COL21A1: variants seen among roughly 807,000 people sequenced by gnomAD.
The protein encoded by COL21A1 is collagen type XXI alpha 1 chain.
A neutral mutation model predicts 137.9 loss-of-function variants in COL21A1; 149 were observed. The observed-to-expected ratio is 1.08, with a 90% confidence interval of 0.95 to 1.24. The LOEUF (loss-of-function observed/expected upper bound fraction) is 1.24, where lower values mean the gene tolerates loss of function less well. COL21A1 is among the 50% of genes most tolerant of loss of function. The probability of loss-of-function intolerance (pLI) is 0.00; values close to 1 mark genes in which losing one functional copy is unlikely to be tolerated. For missense variants in COL21A1, 1,167 were observed against 1,158.4 expected, an observed-to-expected ratio of 1.01 and a Z score of -0.11; for synonymous variants, 456 against 391.5, an observed-to-expected ratio of 1.16 and a Z score of -1.95.
At chr6:56,107,044 C>T (rs1483659460) in intron 16 of COL21A1, among the ~76,000 whole-genome samples, 1 of 152,130 alleles carries the variant, frequency 6.6e-6, no homozygotes, top group African/African-American at 2.4e-5. Flanking sequence ...ACCTCGGCCT[C>T]CGAAAGTGCT....
intron 10 of COL21A1, among the ~76,000 whole-genome samples, chr6:56,147,673 C>T (rs1477999848): frequency 6.6e-6 from 1 of 152,034 alleles, no homozygotes; most frequent in African/African-American, 2.4e-5. Flanking sequence ...TACATGTCTA[C>T]ACACATTATT....
chr6:56,068,765 A>C (rs886714823), intron 22 of COL21A1: 1 of 219,524 alleles, frequency 4.6e-6, no homozygotes. Flanking sequence ...TTGTGAAAAA[A>C]ACCTGAATTT....
At chr6:56,220,434 A>T (rs1181782106) in intron 1 of COL21A1, among the ~76,000 whole-genome samples, 3 of 152,198 alleles carry the variant, frequency 2.0e-5, no homozygotes, top group Non-Finnish European at 4.4e-5. Context: ...ATTGCTGAAC[A>T]ATATCAGTGT....
chr6:56,066,709 TTTAA>T (rs1766284593), intron 23 of COL21A1, among the ~76,000 whole-genome samples: 2 of 151,866 alleles, frequency 1.3e-5, no homozygotes, highest in African/African-American at 2.4e-5. Context: ...CCATAGACAC[TTTAA>T]TTGAGGTGAA....
chr6:56,093,202 G>A (rs1465664038), intron 17 of COL21A1, among the ~76,000 whole-genome samples: 1 of 151,740 alleles, frequency 6.6e-6, no homozygotes, highest in Non-Finnish European at 1.5e-5. Flanking sequence ...CTCGGGGAAG[G>A]GTAATTTTCA....
chr6:56,192,580 G>T, intron 1 of COL21A1, among the ~76,000 whole-genome samples: 1 of 152,216 alleles, frequency 6.6e-6, no homozygotes, highest in East Asian at 1.9e-4. Context: ...ACAAGCATAT[G>T]AAAAAAGCTC....
At chr6:56,097,328 G>A (rs933510619) in intron 17 of COL21A1, among the ~76,000 whole-genome samples, 9 of 151,940 alleles carry the variant, frequency 5.9e-5, no homozygotes, top group African/African-American at 1.7e-4. Context: ...TCTCAATAAC[G>A]TCTACTACCC....
intron 1 of COL21A1, among the ~76,000 whole-genome samples, chr6:56,371,315 A>C (rs2093988153): frequency 1.3e-5 from 2 of 152,226 alleles, no homozygotes; most frequent in African/African-American, 4.8e-5. Context: ...GGATAGGGTA[A>C]GATAAGAGAC....
chr6:56,156,971 T>C, intron 9 of COL21A1, 22 bp from the exon 10 acceptor site: 3 of 1,595,392 alleles, frequency 1.9e-6, no homozygotes, highest in South Asian at 1.1e-5. Flanking sequence ...GCAAACAAAC[T>C]TTTGAGTACA....
intron 1 of COL21A1, among the ~76,000 whole-genome samples, chr6:56,304,199 T>C (rs1764375265): frequency 6.6e-6 from 1 of 152,126 alleles, no homozygotes; most frequent in Non-Finnish European, 1.5e-5. Flanking sequence ...TTCTCTTTTT[T>C]TGTTGTGTCT....
intron 1 of COL21A1, among the ~76,000 whole-genome samples, chr6:56,308,159 A>G (rs1004228378): frequency 6.6e-6 from 1 of 152,222 alleles, no homozygotes; most frequent in African/African-American, 2.4e-5. Context: ...CTGCCTTATA[A>G]AAGGGCTGGT....
At chr6:56,223,052 A>T (rs1485107815) in intron 1 of COL21A1, among the ~76,000 whole-genome samples, 1 of 152,092 alleles carries the variant, frequency 6.6e-6, no homozygotes, top group Non-Finnish European at 1.5e-5. Context: ...CAAAAAAAAA[A>T]AAATTGGAAT....
intron 1 of COL21A1, among the ~76,000 whole-genome samples, chr6:56,315,383 C>T (rs918577891): frequency 3.3e-5 from 5 of 152,048 alleles, no homozygotes; most frequent in Admixed American, 6.5e-5. Context: ...ACAGCTACAC[C>T]GATAAGATTA....
At chr6:56,198,451 T>C (rs1296736599) in intron 1 of COL21A1, among the ~76,000 whole-genome samples, 4 of 152,150 alleles carry the variant, frequency 2.6e-5, no homozygotes, top group Admixed American at 6.6e-5. Context: ...TGTATACTTA[T>C]ATCACATCAT....
At chr6:56,148,255 A>G (rs1429062810) in intron 10 of COL21A1, among the ~76,000 whole-genome samples, 1 of 151,936 alleles carries the variant, frequency 6.6e-6, no homozygotes, top group Non-Finnish European at 1.5e-5. Context: ...TTAAATAACT[A>G]AAAAAGCAAT....
chr6:56,109,260 T>C (rs1312315060), intron 16 of COL21A1, among the ~76,000 whole-genome samples: 3 of 151,546 alleles, frequency 2.0e-5, no homozygotes, highest in African/African-American at 4.8e-5. Flanking sequence ...TGTTGGATCT[T>C]TGAAAAAATC....
chr6:56,308,001 C>T (rs78608351), intron 1 of COL21A1, among the ~76,000 whole-genome samples: 1 of 152,162 alleles, frequency 6.6e-6, no homozygotes, highest in Non-Finnish European at 1.5e-5. Context: ...TGCTGTTAAT[C>T]CTTTAAAAAG....
intron 9 of COL21A1, among the ~76,000 whole-genome samples, chr6:56,160,056 T>C (rs1302492597): frequency 6.6e-6 from 1 of 152,192 alleles, no homozygotes; most frequent in East Asian, 1.9e-4. Context: ...CTGTTAGATT[T>C]TACTGGTTAT....
intron 6 of COL21A1, among the ~76,000 whole-genome samples, chr6:56,167,402 G>T (rs1776673970): frequency 6.6e-6 from 1 of 152,204 alleles, no homozygotes; most frequent in Admixed American, 6.5e-5. Context: ...CTGGCATGGA[G>T]TGTTGTGTGA....
Sources: allele counts gnomAD v4.1 joint callset (sites outside exome capture counted in the v4.1 genomes callset), GRCh38; gene constraint gnomAD v4.1.1; transcripts MANE v1.5; gene names NCBI Gene and HGNC (gene_info 2026-07-23, HGNC 2026-07-21).